The following HSD17B2 variants were observed in gnomAD, a reference collection of about 807,000 sequenced individuals.
The protein encoded by HSD17B2 is 17-beta-hydroxysteroid dehydrogenase type 2.
In HSD17B2, 32 loss-of-function variants were observed where a neutral mutation model predicts 26.9. That is an observed-to-expected ratio of 1.19 (90% confidence interval 0.90 to 1.60). The LOEUF is 1.60. Ranked by LOEUF, HSD17B2 falls within the 40% of genes most tolerant of loss-of-function variation. The pLI, the probability that HSD17B2 is intolerant of heterozygous loss-of-function variation, is 0.00. For synonymous variants in HSD17B2, 246 were observed against 186.7 expected (o/e 1.32, Z -2.59); for missense variants, 613 against 468.6 (o/e 1.31, Z -2.85).
At chr16:82,088,861 C>T (rs1904603885) in intron 3 of HSD17B2, among the ~76,000 whole-genome samples, 1 of 152,106 alleles carries the variant, frequency 6.6e-6, no homozygotes. Flanking sequence ...GGGCCAAACC[C>T]CAAGTTAGCT....
intron 3 of HSD17B2, among the ~76,000 whole-genome samples, chr16:82,082,061 C>T (rs1214901299): frequency 2.0e-5 from 3 of 152,156 alleles, no homozygotes; most frequent in Non-Finnish European, 4.4e-5. Context: ...CTTCTTTACC[C>T]CTTTTTCCCT....
chr16:82,036,320 TTGTGTGTGTGTGTGTGTGTG>T (rs10609893), intron 1 of HSD17B2, among the ~76,000 whole-genome samples: 6 of 145,782 alleles, frequency 4.1e-5, no homozygotes, highest in South Asian at 2.2e-4. Context: ...TTTCCCTTGT[TTGTGTGTGTGTGTGTGTGTG>T]TGTGTGTGTG....
At chr16:82,069,797 C>A (rs1799330001) in intron 2 of HSD17B2, among the ~76,000 whole-genome samples, 1 of 152,152 alleles carries the variant, frequency 6.6e-6, no homozygotes. Flanking sequence ...GGGCCCCTAG[C>A]TTGATTTCGG....
chr16:82,090,665 T>C (rs1297792561), intron 3 of HSD17B2, among the ~76,000 whole-genome samples: 1 of 152,034 alleles, frequency 6.6e-6, no homozygotes, highest in Non-Finnish European at 1.5e-5. Flanking sequence ...AGCCTTCAAC[T>C]TGGTTTGTCA....
At chr16:82,064,337 A>G (rs1337272677) in intron 1 of HSD17B2, among the ~76,000 whole-genome samples, 1 of 152,304 alleles carries the variant, frequency 6.6e-6, no homozygotes, top group Non-Finnish European at 1.5e-5. Context: ...CAAGCATAGA[A>G]ACTTCATTCC....
intron 1 of HSD17B2, among the ~76,000 whole-genome samples, chr16:82,056,768 T>A (rs989078693): frequency 6.6e-6 from 1 of 152,210 alleles, no homozygotes; most frequent in Admixed American, 6.5e-5. Flanking sequence ...TCAGAGAGAA[T>A]GTGTTAGACA....
intron 1 of HSD17B2, among the ~76,000 whole-genome samples, chr16:82,036,864 A>G (rs996563796): frequency 1.3e-5 from 2 of 152,130 alleles, no homozygotes; most frequent in Non-Finnish European, 2.9e-5. Context: ...GAATTCTCAA[A>G]TGGCTTATCG....
Position 82,098,107 on chromosome 16 carries a change from C to G in HSD17B2, c.835C>G (p.Leu279Val). ...IAGTSDKWEK[L>V]EKDILDHLPA... ...AGGCACCAGTGACAAGTGGGAAAAG[C>G]TGGAGAAGGACATTCTGGACCACCT... is the stretch of plus-strand genomic sequence containing the variant. The change falls in exon 5 of 5, where the codon CTG becomes GTG. Residue 279 changes from leucine (L) to valine (V), a missense_variant. Leu to Val is a conservative substitution (Grantham distance 32). Transcript: ENST00000199936. The G allele has an allele frequency of 6.2e-7, 1 of 1,613,586 alleles. No homozygotes were observed. The highest frequency in any genetic ancestry group is 8.5e-7 in the Non-Finnish European group (1 of 1,179,716).
At chr16:82,093,696 GA>G (rs1213774475) in intron 4 of HSD17B2, 1 of 152,194 alleles carries the variant, frequency 6.6e-6, no homozygotes, top group Non-Finnish European at 1.5e-5. Context: ...AATTTGGGGT[GA>G]ATCTGTAGAG....
chr16:82,039,553 A>G (rs1488994167), intron 1 of HSD17B2, among the ~76,000 whole-genome samples: 1 of 152,122 alleles, frequency 6.6e-6, no homozygotes, highest in East Asian at 1.9e-4. Context: ...GGGGAAGAAA[A>G]TTTTAAGACC....
chr16:82,059,346 T>C (rs762337967), intron 1 of HSD17B2, among the ~76,000 whole-genome samples: 93 of 152,332 alleles, frequency 6.1e-4, no homozygotes, highest in Non-Finnish European at 1.1e-3. Flanking sequence ...TTTCCAGACA[T>C]TGCCAGATAT....
chr16:82,075,009 C>T (rs1382407582), intron 3 of HSD17B2, among the ~76,000 whole-genome samples: 1 of 152,034 alleles, frequency 6.6e-6, no homozygotes, highest in Non-Finnish European at 1.5e-5. Context: ...TCTTCTCTGA[C>T]CACAATGGAC....
At position 82,039,062 on chromosome 16, in the gene HSD17B2, C is replaced by A. The variant is rs1414764886; in HGVS notation, c.265+3373C>A. On this transcript the variant is annotated intron_variant, in intron 1 of 4. Coordinates refer to ENST00000199936, the MANE Select transcript of HSD17B2 (RefSeq NM_002153.3). ...GGTTCTGGTCCTTTGGGGAAAGAAT[C>A]GCAGGTGCTGGCTGCTGGGAGTCAA... Among the ~76,000 whole-genome samples the A allele has an allele frequency of 3.3e-5, 5 of 152,134 alleles. No homozygotes were observed. In the South Asian group the frequency reaches 1.0e-3, roughly 32 times the overall value.
At chr16:82,097,957 A>AAAT (rs1555534522) in intron 4 of HSD17B2, 118 bp from the exon 5 acceptor site, 3 of 929,434 alleles carry the variant, frequency 3.2e-6, no homozygotes, top group African/African-American at 1.7e-5. Context: ...AAAAAATAAA[A>AAAT]AAATAAATAA....
chr16:82,056,882 G>A (rs944522428), intron 1 of HSD17B2, among the ~76,000 whole-genome samples: 1 of 152,184 alleles, frequency 6.6e-6, no homozygotes, highest in African/African-American at 2.4e-5. Flanking sequence ...TTACTTGAGT[G>A]AGGCTGGAAA....
At chr16:82,065,369 T>A (rs955037260) in intron 1 of HSD17B2, among the ~76,000 whole-genome samples, 30 of 152,090 alleles carry the variant, frequency 2.0e-4, no homozygotes, top group African/African-American at 7.0e-4. Context: ...AGAGTCAAGG[T>A]CATGGTGTTT....
In HSD17B2 at chr16:82,090,873, T is replaced by C. The variant is rs8191224; in HGVS notation, c.665-29T>C. ...ATGAACAAATGAACATTTCTAACTT[T>C]GCTTCTTTTTCTCCCATTATTCCCA... On this transcript the variant is annotated intron_variant, in intron 3 of 4. Transcript: ENST00000199936. The C allele has an allele frequency of 4.0e-5, 64 of 1,581,394 alleles. No homozygotes were observed. In the African/African-American group the frequency reaches 8.1e-4, roughly 20 times the overall value.
intron 3 of HSD17B2, among the ~76,000 whole-genome samples, chr16:82,085,530 A>G (rs1254179880): frequency 6.6e-6 from 1 of 152,094 alleles, no homozygotes; most frequent in African/African-American, 2.4e-5. Context: ...TGTGCTTTCT[A>G]CTTTTCCAGG....
chr16:82,061,576 A>T (rs1179819388), intron 1 of HSD17B2, among the ~76,000 whole-genome samples: 1 of 152,222 alleles, frequency 6.6e-6, no homozygotes, highest in Non-Finnish European at 1.5e-5. Context: ...ATGAAAAATT[A>T]TGGCTTTGAA....
Sources: allele counts gnomAD v4.1 joint callset (sites outside exome capture counted in the v4.1 genomes callset), GRCh38; gene constraint gnomAD v4.1.1; transcripts MANE v1.5; gene names NCBI Gene and HGNC (gene_info 2026-07-23, HGNC 2026-07-21).